ZFYVE1: variants seen among roughly 807,000 people sequenced by gnomAD.
The protein encoded by ZFYVE1 is zinc finger FYVE-type containing 1, also known as zinc finger FYVE domain-containing protein 1.
ZFYVE1 carries 30 observed loss-of-function variants against 74.4 expected under a neutral mutation model. The ratio of observed to expected loss-of-function variants is 0.40; its 90% CI spans 0.30 to 0.55. The LOEUF is 0.55. Ranked by LOEUF, ZFYVE1 falls within the 20% of genes least tolerant of loss-of-function variation. The probability of loss-of-function intolerance (pLI) is 0.42; values close to 1 mark genes in which losing one functional copy is unlikely to be tolerated. For synonymous variants in ZFYVE1, 335 were observed against 385.1 expected (o/e 0.87, Z 1.52); for missense variants, 703 against 1,011.6 (o/e 0.69, Z 4.14).
At chr14:72,981,750 A>C (rs1165585236) in intron 5 of ZFYVE1, 39 bp downstream of exon 5, 1 of 1,588,328 alleles carries the variant, frequency 6.3e-7, no homozygotes, top group Admixed American at 1.7e-5. Flanking sequence ...CTCTATTCTC[A>C]AGGTATGGGG....
chr14:72,979,666 A>G (rs553549940), intron 5 of ZFYVE1, among the ~76,000 whole-genome samples: 1 of 152,092 alleles, frequency 6.6e-6, no homozygotes, highest in East Asian at 1.9e-4. Flanking sequence ...AAAAAAAAAA[A>G]AAATACACCC....
intron 11 of ZFYVE1, among the ~76,000 whole-genome samples, chr14:72,971,758 C>T (rs1268720454): frequency 1.3e-5 from 2 of 152,294 alleles, no homozygotes; most frequent in African/African-American, 4.8e-5. Flanking sequence ...CATGCACCCC[C>T]ACACCCAGCT....
chr14:73,016,191 T>C (rs1275116370), intron 2 of ZFYVE1, among the ~76,000 whole-genome samples: 1 of 152,114 alleles, frequency 6.6e-6, no homozygotes, highest in Non-Finnish European at 1.5e-5. Context: ...CTCGTCAGCA[T>C]GAATCATTTA....
At chr14:73,010,291 C>A (rs1246516721) in intron 2 of ZFYVE1, among the ~76,000 whole-genome samples, 1 of 151,984 alleles carries the variant, frequency 6.6e-6, no homozygotes, top group Non-Finnish European at 1.5e-5. Context: ...CATGGTGAAA[C>A]CCTGTCTCTA....
rs370985541 is a variant in ZFYVE1 at position 72,997,904 on chromosome 14, T to C, written c.895A>G (p.Thr299Ala). Residue 299 changes from threonine to alanine, a missense_variant, in exon 3 of 12, where the codon ACT becomes GCT. Thr to Ala is a moderately conservative substitution (Grantham distance 58). Around this residue, in one of 2 missense-constraint regions of ZFYVE1, gnomAD observed 492 missense variants for 790.0 expected, o/e 0.62. Coordinates refer to ENST00000556143, the MANE Select transcript of ZFYVE1 (RefSeq NM_021260.4). The part of the protein sequence containing the change: ...KHFTKELKAT[T>A]ARCGLDVPLS... ...GGGACATCCAGGCCACAGCGAGCAG[T>C]GGTGGCCTTGAGCTCCTTGGTGAAG... 5 of 1,614,014 alleles carry C rather than the reference T, an allele frequency of 3.1e-6. No individual in the cohort carries two copies. Among genetic ancestry groups the C allele is most frequent in the Non-Finnish European group, 4.2e-6 (5 of 1,180,012 alleles).
intron 3 of ZFYVE1, among the ~76,000 whole-genome samples, chr14:72,995,459 C>G (rs1384029161): frequency 6.7e-6 from 1 of 149,292 alleles, no homozygotes; most frequent in East Asian, 2.0e-4. Context: ...TCTCAAACTC[C>G]TGGGCTCTAG....
At chr14:72,973,359 C>T (rs567573399) in intron 11 of ZFYVE1, among the ~76,000 whole-genome samples, 2 of 151,992 alleles carry the variant, frequency 1.3e-5, no homozygotes, top group African/African-American at 4.8e-5. Flanking sequence ...CATGGTGGCA[C>T]GTGCCTGTAA....
Position 73,024,803 on chromosome 14 carries a change from T to C in ZFYVE1, c.-295A>G. 1 of 321,596 alleles carries C rather than the reference T, an allele frequency of 3.1e-6. No individual in the cohort carries two copies. The highest frequency in any genetic ancestry group is 5.7e-6 in the Non-Finnish European group (1 of 175,590). 19.9% of individuals were successfully genotyped at this position (321,596 alleles called of 1,614,324 possible). A position where few individuals can be genotyped will look rare whatever the true frequency, so the allele number is the denominator to read the frequency against. On this transcript the variant is annotated 5_prime_UTR_variant, in exon 2 of 12. Transcript: ENST00000556143. ...AAAATTGACTTGGAAGGGTCTTTTATGGCTATCTGAGAGAGGTCTGATGGG... is the reference window on the plus strand; with the variant it reads ...AAAATTGACTTGGAAGGGTCTTTTACGGCTATCTGAGAGAGGTCTGATGGG...
chr14:73,004,129 T>C (rs930464321), intron 2 of ZFYVE1, among the ~76,000 whole-genome samples: 2 of 152,132 alleles, frequency 1.3e-5, no homozygotes, highest in African/African-American at 4.8e-5. Context: ...TTTGGACCCG[T>C]GTCACTCAGC....
rs1279747712 is a variant in ZFYVE1 at position 73,015,294 on chromosome 14, A to G, written c.483+8732T>C. On this transcript the variant is annotated intron_variant, in intron 2 of 11. Transcript: ENST00000556143. ...GAAGGAAGGAAGGAAGGAAGGAAGGAAAGAAGGGAGGGAGGGAGGGAGGGA... is the reference window on the plus strand; with the variant it reads ...GAAGGAAGGAAGGAAGGAAGGAAGGGAAGAAGGGAGGGAGGGAGGGAGGGA... Among the ~76,000 whole-genome samples the G allele has an allele frequency of 6.2e-3, 393 of 63,194 alleles. 15 individuals carry two copies. The highest frequency in any genetic ancestry group is 0.01 in the Admixed American group (58 of 5,686). The allele number at this position is 63,194 out of a possible 152,430, so 41.5% of individuals were successfully genotyped here. A position where few individuals can be genotyped will look rare whatever the true frequency, so the allele number is the denominator to read the frequency against.
chr14:72,987,039 T>C (rs1893499799), intron 4 of ZFYVE1: 2 of 889,980 alleles, frequency 2.2e-6, no homozygotes, highest in African/African-American at 1.8e-5. Context: ...GACCAGATGA[T>C]CTTGAACTTT....
At chr14:73,007,112 A>T (rs1216621464) in intron 2 of ZFYVE1, among the ~76,000 whole-genome samples, 1 of 152,072 alleles carries the variant, frequency 6.6e-6, no homozygotes, top group African/African-American at 2.4e-5. Context: ...CCCTCGAGAG[A>T]TTCCTTCCAA....
chr14:73,023,958 T>G, intron 2 of ZFYVE1, 68 bp downstream of exon 2: 1 of 1,550,490 alleles, frequency 6.4e-7, no homozygotes, highest in Non-Finnish European at 8.7e-7. Context: ...ACATCGTTTT[T>G]TGAGAGCTGG....
intron 2 of ZFYVE1, among the ~76,000 whole-genome samples, chr14:72,999,415 G>A (rs766060668): frequency 5.3e-5 from 8 of 151,946 alleles, no homozygotes; most frequent in Non-Finnish European, 1.2e-4. Flanking sequence ...CAACAAGAAC[G>A]AAACTCCATT....
chr14:73,026,714 G>A (rs1177751629), intron 1 of ZFYVE1, among the ~76,000 whole-genome samples: 1 of 151,764 alleles, frequency 6.6e-6, no homozygotes, highest in Non-Finnish European at 1.5e-5. Flanking sequence ...GGGCAGGAGC[G>A]GAGCCTAAGA....
At chr14:72,982,138 C>T (rs1893350066) in intron 4 of ZFYVE1, among the ~76,000 whole-genome samples, 1 of 152,198 alleles carries the variant, frequency 6.6e-6, no homozygotes, top group East Asian at 1.9e-4. Flanking sequence ...AATTGCCTTG[C>T]AGGTTATAAA....
intron 4 of ZFYVE1, 129 bp from the exon 5 acceptor site, chr14:72,982,024 G>C (rs1893346022): frequency 2.8e-6 from 2 of 716,866 alleles, no homozygotes; most frequent in Non-Finnish European, 4.8e-6. Context: ...CATTACCCTT[G>C]ACCTTCCTGA....
At chr14:73,004,560 T>C (rs1893938685) in intron 2 of ZFYVE1, among the ~76,000 whole-genome samples, 2 of 152,102 alleles carry the variant, frequency 1.3e-5, no homozygotes, top group Non-Finnish European at 2.9e-5. Flanking sequence ...GTATGTCCAA[T>C]GTGGATGTCC....
chr14:73,014,091 A>G (rs1431924340), intron 2 of ZFYVE1, among the ~76,000 whole-genome samples: 2 of 152,206 alleles, frequency 1.3e-5, no homozygotes, highest in East Asian at 3.8e-4. Flanking sequence ...CAAGGAATTG[A>G]CAGGCCAGAA....
Sources: allele counts gnomAD v4.1 joint callset (sites outside exome capture counted in the v4.1 genomes callset), GRCh38; gene constraint gnomAD v4.1.1; regional missense constraint gnomAD v4.1.1; transcripts MANE v1.5; gene names NCBI Gene and HGNC (gene_info 2026-07-23, HGNC 2026-07-21).